HAUS3: variants seen among roughly 807,000 people sequenced by gnomAD.
The protein encoded by HAUS3 is HAUS augmin like complex subunit 3.
HAUS3 carries 36 observed loss-of-function variants against 55.2 expected under a neutral mutation model. That is an observed-to-expected ratio of 0.65 (90% confidence interval 0.50 to 0.86). The LOEUF (loss-of-function observed/expected upper bound fraction) is 0.86. Ranked by LOEUF, HAUS3 falls within the 40% of genes least tolerant of loss-of-function variation. HAUS3 has a pLI of 0.00. For missense variants in HAUS3, 752 were observed against 671.5 expected, an observed-to-expected ratio of 1.12 and a Z score of -1.33; for synonymous variants, 234 against 238.6, an observed-to-expected ratio of 0.98 and a Z score of 0.18.
Position 2,231,177 on chromosome 4 carries a change from G to A in HAUS3, c.*750C>T, listed in dbSNP as rs1398389287. 2.0e-5 allele frequency: 3 copies of A among 152,180 alleles called. No homozygotes were observed. Among genetic ancestry groups the A allele is most frequent in the Non-Finnish European group, 2.9e-5 (2 of 68,042 alleles). The allele number at this position is 152,180 out of a possible 1,614,324, so 9.4% of individuals were successfully genotyped here. ...AAAACAGCCTAAAGGTCTATAGCAG[G>A]GAATTATGGAGGAATACAATTTGAG... On this transcript the variant is annotated 3_prime_UTR_variant, in exon 6 of 6. Transcript: ENST00000443786.
chr4:2,235,810 A>C (rs1247158053), intron 5 of HAUS3, among the ~76,000 whole-genome samples: 1 of 152,158 alleles, frequency 6.6e-6, no homozygotes, highest in East Asian at 1.9e-4. Flanking sequence ...GAAAATAATG[A>C]ACAAATTAAG....
chr4:2,241,427 C>G, intron 2 of HAUS3, 93 bp downstream of exon 2: 1 of 881,344 alleles, frequency 1.1e-6, no homozygotes, highest in Non-Finnish European at 1.4e-6. Context: ...CCCAAGCCAC[C>G]AGGAGGCTAG....
At position 2,236,419 on chromosome 4, in the gene HAUS3, CT is replaced by C. The variant is rs1560104524; in HGVS notation, c.1386del (p.Glu463AsnfsTer4). On this transcript the variant is annotated frameshift_variant, in exon 5 of 6. Transcript: ENST00000443786. LOFTEE classifies it high-confidence loss of function. ...YQVLEGENKK[K>X]ELFLTHGNLE... ...AGGTTTCCATGAGTTAGAAACAATT[CT>C]TTTTTCTTATTCTCTCCCTCCAAAA... 1 of 1,613,022 alleles carries C rather than the reference CT, an allele frequency of 6.2e-7. No homozygotes were observed. Among genetic ancestry groups the C allele is most frequent in the Admixed American group, 1.7e-5 (1 of 59,982 alleles).
At position 2,241,520 on chromosome 4, in the gene HAUS3, C is replaced by G. The variant is rs1734987144; in HGVS notation, c.-148G>C. 5 of 985,846 alleles carry G rather than the reference C, an allele frequency of 5.1e-6. No individual in the cohort carries two copies. Among genetic ancestry groups the G allele is most frequent in the Non-Finnish European group, 6.0e-6 (5 of 830,324 alleles). 61.1% of individuals were successfully genotyped at this position (985,846 alleles called of 1,614,324 possible). On this transcript the variant is annotated splice_region_variant and 5_prime_UTR_variant, in exon 2 of 6. Transcript: ENST00000443786. The stretch of plus-strand genomic sequence containing the variant: ...TTCTGAAGATCAACTAAATATTTAC[C>G]TCAACGTCTCGCCGGGCAAGGCTCC...
chr4:2,235,544 C>T (rs916705539), intron 5 of HAUS3, among the ~76,000 whole-genome samples: 1 of 152,056 alleles, frequency 6.6e-6, no homozygotes, highest in African/African-American at 2.4e-5. Context: ...ACTAACTATA[C>T]AAAAGAGAAA....
At chr4:2,232,429 C>T (rs1560102615) in intron 5 of HAUS3, among the ~76,000 whole-genome samples, 1 of 152,168 alleles carries the variant, frequency 6.6e-6, no homozygotes, top group African/African-American at 2.4e-5. Context: ...TCTGTGCATT[C>T]ATATATTCAA....
In HAUS3 at chr4:2,230,838, G is replaced by A. The variant is rs537484906; in HGVS notation, c.*1089C>T. 8.5e-5 allele frequency: 13 copies of A among 152,200 alleles called. No homozygotes were observed. In the East Asian group the frequency reaches 2.5e-3, roughly 29 times the overall value. 9.4% of individuals were successfully genotyped at this position (152,200 alleles called of 1,614,324 possible). A position where few individuals can be genotyped will look rare whatever the true frequency, so the allele number is the denominator to read the frequency against. On this transcript the variant is annotated 3_prime_UTR_variant, in exon 6 of 6. Coordinates refer to ENST00000443786, the MANE Select transcript of HAUS3 (RefSeq NM_001303143.2). Reference sequence around the variant, plus strand: ...AGAAGCATCTGATGTAATAACAGATGAGCTACTTCAAATTATTTTAGAGCA... The same window carrying A: ...AGAAGCATCTGATGTAATAACAGATAAGCTACTTCAAATTATTTTAGAGCA...
In HAUS3 at chr4:2,228,354, T is replaced by C; in HGVS notation, c.*3573A>G. 3.9e-6 allele frequency: 1 copy of C among 254,206 alleles called. No homozygotes were observed. The highest frequency in any genetic ancestry group is 2.6e-5 in the African/African-American group (1 of 38,728). The allele number at this position is 254,206 out of a possible 1,614,324, so 15.7% of individuals were successfully genotyped here. On this transcript the variant is annotated 3_prime_UTR_variant, in exon 6 of 6. Coordinates refer to ENST00000443786, the MANE Select transcript of HAUS3 (RefSeq NM_001303143.2). ...GAGCATATCACTGCTTTCACTTTTT[T>C]TTTTTTTTTTTTTTGAGATAGAGTC...
chr4:2,229,250 G>A lies in HAUS3; in HGVS notation c.*2677C>T. ...TTTCCATTTTCACAAAATCCTAAAT[G>A]TAAGATTAACATAAGATAAATCCCA... On this transcript the variant is annotated 3_prime_UTR_variant, in exon 6 of 6. Coordinates refer to ENST00000443786, the MANE Select transcript of HAUS3 (RefSeq NM_001303143.2). 2 of 1,578,680 alleles carry A rather than the reference G, an allele frequency of 1.3e-6. No homozygotes were observed. Among genetic ancestry groups the A allele is most frequent in the Non-Finnish European group, 1.7e-6 (2 of 1,159,852 alleles).
Position 2,228,934 on chromosome 4 carries a change from A to T in HAUS3, c.*2993T>A. On this transcript the variant is annotated 3_prime_UTR_variant, in exon 6 of 6. Transcript: ENST00000443786. ...TTTTTAAAGCAATGAAGGTTAAGGG[A>T]ACACGAAAGTTAGCAAGCAGAAGCT... 1 of 538,476 alleles carries T rather than the reference A, an allele frequency of 1.9e-6. No homozygotes were observed. Among genetic ancestry groups the T allele is most frequent in the Non-Finnish European group, 3.2e-6 (1 of 312,928 alleles). 33.4% of individuals were successfully genotyped at this position (538,476 alleles called of 1,614,324 possible). A position where few individuals can be genotyped will look rare whatever the true frequency, so the allele number is the denominator to read the frequency against.
Position 2,238,722 on chromosome 4 carries a change from C to T in HAUS3, c.1231G>A (p.Glu411Lys). The T allele has an allele frequency of 1.2e-6, 2 of 1,613,720 alleles. No individual in the cohort carries two copies. Among genetic ancestry groups the T allele is most frequent in the Non-Finnish European group, 1.7e-6 (2 of 1,179,764 alleles). The part of the protein sequence containing the change: ...IYRQLENLVQ[E>K]LSQSNMMLYK... ...AGCATCATGTTACTTTGACTAAGTTCTTGAACCAAATTTTCAAGTTGACGA... is the reference window on the plus strand; with the variant it reads ...AGCATCATGTTACTTTGACTAAGTTTTTGAACCAAATTTTCAAGTTGACGA... Residue 411 changes from glutamate to lysine, a missense_variant, in exon 4 of 6, where the codon GAA becomes AAA. Coordinates refer to ENST00000443786, the MANE Select transcript of HAUS3 (RefSeq NM_001303143.2).
In HAUS3 at chr4:2,240,406, T is replaced by C; in HGVS notation, c.541A>G (p.Arg181Gly). 1 of 1,613,002 alleles carries C rather than the reference T, an allele frequency of 6.2e-7. No individual in the cohort carries two copies. The highest frequency in any genetic ancestry group is 8.5e-7 in the Non-Finnish European group (1 of 1,179,392). Residue 181 changes from arginine to glycine, a missense_variant, in exon 3 of 6, where the codon AGA becomes GGA. Coordinates refer to ENST00000443786, the MANE Select transcript of HAUS3 (RefSeq NM_001303143.2). ...DEVTQLMMFF[R>G]HSNLGQGTNP... ...GTCCCTTGACCTAAATTAGAATGTCTGAAGAACATCATCAATTGTGTAACT... is the reference window on the plus strand; with the variant it reads ...GTCCCTTGACCTAAATTAGAATGTCCGAAGAACATCATCAATTGTGTAACT...
intron 3 of HAUS3, among the ~76,000 whole-genome samples, chr4:2,239,592 T>C (rs975341551): frequency 3.3e-5 from 5 of 152,206 alleles, no homozygotes; most frequent in African/African-American, 1.2e-4. Context: ...GCAATACATC[T>C]ATCCATATAT....
intron 4 of HAUS3, among the ~76,000 whole-genome samples, chr4:2,237,377 A>G (rs1203739005): frequency 6.8e-6 from 1 of 146,738 alleles, no homozygotes; most frequent in Non-Finnish European, 1.5e-5. Context: ...TGGAGGTTGC[A>G]GTGAGCTATC....
Position 2,236,364 on chromosome 4 carries a change from TTC to T in HAUS3, c.1440_1441del (p.Asn481TyrfsTer24), listed in dbSNP as rs1734765711. 1 of 1,613,136 alleles carries T rather than the reference TTC, an allele frequency of 6.2e-7. No homozygotes were observed. Among genetic ancestry groups the T allele is most frequent in the East Asian group, 2.2e-5 (1 of 44,840 alleles). On this transcript the variant is annotated frameshift_variant, in exon 5 of 6. Transcript: ENST00000443786. LOFTEE classifies it high-confidence loss of function. ...CAACTGATCTTGTACTAAAGAAATATTCTGTTTCAATTTCTCAGCCACTTCCT... is the reference window on the plus strand; with the variant it reads ...CAACTGATCTTGTACTAAAGAAATATTGTTTCAATTTCTCAGCCACTTCCT...
intron 5 of HAUS3, among the ~76,000 whole-genome samples, chr4:2,234,085 A>C (rs1324734970): frequency 6.6e-6 from 1 of 152,244 alleles, no homozygotes; most frequent in Non-Finnish European, 1.5e-5. Flanking sequence ...CAAAATACCC[A>C]GTAACAATAA....
chr4:2,239,908 C>A, intron 3 of HAUS3, 130 bp downstream of exon 3: 1 of 704,080 alleles, frequency 1.4e-6, no homozygotes, highest in South Asian at 1.8e-5. Flanking sequence ...CACAAATAAG[C>A]ACTGAACAAA....
chr4:2,238,955 T>C lies in HAUS3; in HGVS notation c.998A>G (p.Asp333Gly), dbSNP rs777582938. The C allele has an allele frequency of 4.9e-5, 78 of 1,599,946 alleles. 2 individuals are homozygous for C. The South Asian group carries it at 8.5e-4, about 17-fold the overall frequency. ...TCTTACCACAGCAGGTAAACTTCTG[T>C]CTTTTATTTGAGTGACCTCTTTTTC... The part of the protein sequence containing the change: ...KLEKEVTQIK[D>G]RSLPAVVREN... The change falls in exon 4 of 6, where the codon GAC (aspartate) becomes GGC (glycine). Residue 333 changes from aspartate (D) to glycine (G), a missense_variant. Coordinates refer to ENST00000443786, the MANE Select transcript of HAUS3 (RefSeq NM_001303143.2).
intron 1 of HAUS3, 102 bp from the exon 2 acceptor site, chr4:2,241,892 C>T (rs952767790): frequency 3.9e-5 from 38 of 985,392 alleles, no homozygotes; most frequent in Non-Finnish European, 4.3e-5. Context: ...GCTCCTCGCC[C>T]AGCGGACCGG....
Sources: allele counts gnomAD v4.1 joint callset (sites outside exome capture counted in the v4.1 genomes callset), GRCh38; gene constraint gnomAD v4.1.1; transcripts MANE v1.5; gene names NCBI Gene and HGNC (gene_info 2026-07-23, HGNC 2026-07-21).